ERC2: variants seen among roughly 807,000 people sequenced by gnomAD.
The protein encoded by ERC2 is ERC protein 2.
ERC2 carries 42 observed loss-of-function variants against 114.8 expected under a neutral mutation model. The observed-to-expected ratio is 0.37, with a 90% CI of 0.29 to 0.47. The LOEUF is 0.47. Among genes scored for constraint, ERC2 ranks in the 20% least tolerant of loss-of-function variants. The probability of loss-of-function intolerance (pLI) is 0.99; values close to 1 mark genes in which losing one functional copy is unlikely to be tolerated. For synonymous variants in ERC2, 454 were observed against 425.5 expected, an observed-to-expected ratio of 1.07 and a Z score of -0.82; for missense variants, 939 against 1,150.7, an observed-to-expected ratio of 0.82 and a Z score of 2.66.
chr3:55,897,322 G>A (rs917270546), intron 13 of ERC2, among the ~76,000 whole-genome samples: 1 of 152,162 alleles, frequency 6.6e-6, no homozygotes, highest in African/African-American at 2.4e-5. Flanking sequence ...TTTTGATAAA[G>A]CTATTTTTTC....
At chr3:55,960,415 C>T (rs1335210413) in intron 12 of ERC2, among the ~76,000 whole-genome samples, 2 of 152,122 alleles carry the variant, frequency 1.3e-5, no homozygotes, top group African/African-American at 4.8e-5. Flanking sequence ...GCCACCACTC[C>T]TCCCACAGCT....
intron 17 of ERC2, among the ~76,000 whole-genome samples, chr3:55,667,256 G>GAACA (rs2061390584): frequency 6.6e-6 from 1 of 152,202 alleles, no homozygotes; most frequent in African/African-American, 2.4e-5. Context: ...AGGGAAGATA[G>GAACA]TGCTCATCTT....
chr3:55,744,271 G>T (rs1171519569), intron 14 of ERC2, among the ~76,000 whole-genome samples: 1 of 152,284 alleles, frequency 6.6e-6, no homozygotes, highest in Non-Finnish European at 1.5e-5. Flanking sequence ...GGGCGTGGTA[G>T]CGGACACCTG....
intron 6 of ERC2, among the ~76,000 whole-genome samples, chr3:56,138,984 T>C (rs2080689155): frequency 1.3e-5 from 2 of 152,162 alleles, no homozygotes; most frequent in South Asian, 4.1e-4. Context: ...AGATACTCCT[T>C]AGTAAACAAG....
intron 7 of ERC2, among the ~76,000 whole-genome samples, chr3:56,040,322 C>T (rs534653869): frequency 1.2e-4 from 18 of 151,364 alleles, no homozygotes; most frequent in African/African-American, 4.1e-4. Context: ...GATTTTTTTT[C>T]CATTACACTT....
chr3:56,081,452 G>T (rs2077227367), intron 6 of ERC2, among the ~76,000 whole-genome samples: 1 of 151,860 alleles, frequency 6.6e-6, no homozygotes, highest in South Asian at 2.1e-4. Flanking sequence ...TCCTAAATTA[G>T]AAAAATACAT....
intron 17 of ERC2, among the ~76,000 whole-genome samples, chr3:55,541,272 T>C (rs993600060): frequency 6.6e-6 from 1 of 152,164 alleles, no homozygotes; most frequent in African/African-American, 2.4e-5. Context: ...TCAAATTCCA[T>C]GCTTTTAAAA....
At chr3:55,658,111 T>C (rs542827195) in intron 17 of ERC2, 1 of 152,230 alleles carries the variant, frequency 6.6e-6, no homozygotes, top group African/African-American at 2.4e-5. Context: ...AACTAAATCA[T>C]TCAGGACTAG....
chr3:56,255,437 C>T (rs1576111475), intron 3 of ERC2, among the ~76,000 whole-genome samples: 1 of 152,194 alleles, frequency 6.6e-6, no homozygotes, highest in Non-Finnish European at 1.5e-5. Context: ...CACACTGGGG[C>T]TTGAGTCCTA....
intron 17 of ERC2, chr3:55,610,624 T>A (rs747257597): frequency 2.6e-5 from 4 of 152,132 alleles, no homozygotes; most frequent in Non-Finnish European, 4.4e-5. Context: ...GGAGGATTCC[T>A]TGAGCCTCGG....
At chr3:56,355,352 T>C (rs2150539489) in intron 2 of ERC2, among the ~76,000 whole-genome samples, 1 of 151,130 alleles carries the variant, frequency 6.6e-6, no homozygotes, top group East Asian at 1.9e-4. Context: ...ACATTCTCAC[T>C]CTGTCACCCA....
intron 14 of ERC2, among the ~76,000 whole-genome samples, chr3:55,840,996 G>T (rs929113548): frequency 5.9e-5 from 9 of 152,222 alleles, no homozygotes; most frequent in African/African-American, 2.2e-4. Flanking sequence ...TTACAAAGAG[G>T]CATTAGGAAA....
At chr3:55,924,275 G>T (rs2065620410) in intron 13 of ERC2, among the ~76,000 whole-genome samples, 1 of 152,038 alleles carries the variant, frequency 6.6e-6, no homozygotes, top group South Asian at 2.1e-4. Context: ...TAAAATTTCG[G>T]CCTTTGTGGT....
At chr3:56,355,380 G>A (rs888114770) in intron 2 of ERC2, among the ~76,000 whole-genome samples, 1 of 146,944 alleles carries the variant, frequency 6.8e-6, no homozygotes, top group African/African-American at 2.5e-5. Context: ...GTGCAGTGAC[G>A]TGATCACAGC....
chr3:56,259,162 G>A (rs965770568), intron 3 of ERC2, among the ~76,000 whole-genome samples: 7 of 151,814 alleles, frequency 4.6e-5, no homozygotes, highest in Admixed American at 6.6e-5. Context: ...AGCAGAGACG[G>A]GGTTTCTCCA....
chr3:55,864,465 T>C (rs1353557249), intron 14 of ERC2, among the ~76,000 whole-genome samples: 1 of 152,022 alleles, frequency 6.6e-6, no homozygotes, highest in African/African-American at 2.4e-5. Flanking sequence ...GTTACTGACA[T>C]GAGTGGCTGC....
intron 17 of ERC2, among the ~76,000 whole-genome samples, chr3:55,589,021 G>C (rs945456448): frequency 2.0e-5 from 3 of 152,046 alleles, no homozygotes; most frequent in African/African-American, 7.2e-5. Flanking sequence ...ACCTGAGTTT[G>C]AATTCACTTA....
intron 13 of ERC2, among the ~76,000 whole-genome samples, chr3:55,937,454 A>T (rs140483809): frequency 9.8e-4 from 150 of 152,360 alleles, no homozygotes; most frequent in African/African-American, 3.5e-3. Flanking sequence ...ATCTGAGTAG[A>T]TGGCTGTGGC....
chr3:55,917,568 T>C (rs1376039741), intron 13 of ERC2, among the ~76,000 whole-genome samples: 1 of 152,130 alleles, frequency 6.6e-6, no homozygotes, highest in Non-Finnish European at 1.5e-5. Context: ...ATTCCATTTA[T>C]ATGAAATGTA....
Sources: gnomAD v4.1 joint callset for allele counts (sites outside exome capture counted in the v4.1 genomes callset) on GRCh38, gnomAD v4.1.1 for gene constraint, MANE v1.5 for transcripts, NCBI Gene and HGNC (gene_info 2026-07-23, HGNC 2026-07-21) for gene names.